The following ATP6V1G3 variants were observed in gnomAD, a reference collection of about 807,000 sequenced individuals.
ATP6V1G3 encodes the protein ATPase H+ transporting V1 subunit G3, also known as V-type proton ATPase subunit G 3.
In ATP6V1G3, 9 loss-of-function variants were observed where a neutral mutation model predicts 9.3. The observed-to-expected ratio is 0.97, with a 90% CI of 0.59 to 1.69. The LOEUF is 1.69. ATP6V1G3 is among the 40% of genes most tolerant of loss of function. The pLI, the probability that ATP6V1G3 is intolerant of heterozygous loss-of-function variation, is 0.00. For synonymous variants in ATP6V1G3, 43 were observed against 43.8 expected (o/e 0.98, Z 0.07); for missense variants, 133 against 139.0 (o/e 0.96, Z 0.22).
chr1:198,536,407 G>A (rs1660115236), intron 1 of ATP6V1G3, among the ~76,000 whole-genome samples: 1 of 152,116 alleles, frequency 6.6e-6, no homozygotes, highest in African/African-American at 2.4e-5. Flanking sequence ...CCCCAAACCT[G>A]GAGCTCCATG....
rs190912199 is a variant in ATP6V1G3 at position 198,528,652 on chromosome 1, A to G, written c.183+429T>C. Among the ~76,000 whole-genome samples the G allele has an allele frequency of 2.1e-4, 32 of 152,240 alleles. No individual in the cohort carries two copies. In the East Asian group the frequency reaches 5.6e-3, roughly 27 times the overall value. On this transcript the variant is annotated intron_variant, in intron 2 of 2. Coordinates refer to ENST00000367382, the MANE Select transcript of ATP6V1G3 (RefSeq NM_001376861.1). ...AGAAGGCTTTTCAGAAATTTGCAAC[A>G]ATATCTACTTTGGTCATTTGTAAAT...
rs761997831 is a variant in ATP6V1G3, at chr1:198,523,479, T to A, written c.269A>T (p.Lys90Met). The A allele has an allele frequency of 5.9e-5, 96 of 1,613,554 alleles. No homozygotes were observed. The highest frequency in any genetic ancestry group is 7.9e-5 in the Non-Finnish European group (93 of 1,179,800). ...CTGGTTCATCACACTTTCCATATAC[T>A]TATTGTAGTGTCCATTAAGTTCTTG... Reference protein sequence around the residue: ...KIQELNGHYNKYMESVMNQLL... With the variant: ...KIQELNGHYNMYMESVMNQLL... Residue 90 changes from lysine (K) to methionine (M), a missense_variant, in exon 3 of 3, where the codon AAG (lysine) becomes ATG (methionine). Lys to Met is a moderately conservative substitution (Grantham distance 95, BLOSUM62 -1). Transcript: ENST00000367382.
chr1:198,534,328 G>A (rs1660023956), intron 1 of ATP6V1G3, among the ~76,000 whole-genome samples: 1 of 152,118 alleles, frequency 6.6e-6, no homozygotes, highest in Non-Finnish European at 1.5e-5. Context: ...ATTGATGGAG[G>A]TATACATTAA....
At chr1:198,527,226 GAGA>G (rs1241698572) in intron 2 of ATP6V1G3, among the ~76,000 whole-genome samples, 2 of 152,146 alleles carry the variant, frequency 1.3e-5, no homozygotes, top group Non-Finnish European at 2.9e-5. Flanking sequence ...ATGCCAAGGA[GAGA>G]AGATCTGTGC....
At chr1:198,536,107 T>G (rs1428685280) in intron 1 of ATP6V1G3, among the ~76,000 whole-genome samples, 1 of 152,178 alleles carries the variant, frequency 6.6e-6, no homozygotes, top group Non-Finnish European at 1.5e-5. Flanking sequence ...AATTGAGTGT[T>G]TATTTCTAGG....
At chr1:198,539,132 T>G (rs370016642) in intron 1 of ATP6V1G3, among the ~76,000 whole-genome samples, 2 of 152,060 alleles carry the variant, frequency 1.3e-5, no homozygotes, top group East Asian at 1.9e-4. Flanking sequence ...CCACCTGGAG[T>G]CATTCCTTTT....
rs1304557759 is a variant in ATP6V1G3, at chr1:198,523,417, G to A, written c.331C>T (p.His111Tyr). The change falls in exon 3 of 3, where the codon CAT becomes TAT. Residue 111 changes from histidine (H) to tyrosine (Y), a missense_variant. Transcript: ENST00000367382. ...SMVCDMKPEIHVNYRATN is the reference protein window; with the variant it reads ...SMVCDMKPEIYVNYRATN ...TAGTTGGTGGCTCTGTAGTTCACATGGATTTCTGGTTTCATGTCACAGACC... is the reference window on the plus strand; with the variant it reads ...TAGTTGGTGGCTCTGTAGTTCACATAGATTTCTGGTTTCATGTCACAGACC... The A allele has an allele frequency of 6.2e-7, 1 of 1,613,028 alleles. No homozygotes were observed. Among genetic ancestry groups the A allele is most frequent in the Non-Finnish European group, 8.5e-7 (1 of 1,179,498 alleles).
chr1:198,524,980 G>T (rs978481831), intron 2 of ATP6V1G3, among the ~76,000 whole-genome samples: 1 of 152,074 alleles, frequency 6.6e-6, no homozygotes, highest in Non-Finnish European at 1.5e-5. Context: ...GAGGCGCTTG[G>T]GTTCAAGTTC....
chr1:198,536,652 G>A lies in ATP6V1G3; in HGVS notation c.82+3917C>T, dbSNP rs201448019. The A allele has an allele frequency of 7.6e-4, 1,190 of 1,559,822 alleles. 9 individuals are homozygous for A. The Middle Eastern group carries it at 1.0e-2, about 13-fold the overall frequency. Reference sequence around the variant, plus strand: ...ACCTGTAATCAGTGAATACAGGAAAGTATCTGAACATTTCTAGTCATCTTA... The same window carrying A: ...ACCTGTAATCAGTGAATACAGGAAAATATCTGAACATTTCTAGTCATCTTA... On this transcript the variant is annotated intron_variant, in intron 1 of 2. Coordinates refer to ENST00000367382, the MANE Select transcript of ATP6V1G3 (RefSeq NM_001376861.1).
intron 1 of ATP6V1G3, 74 bp from the exon 2 acceptor site, chr1:198,529,255 C>A (rs1659794702): frequency 3.0e-6 from 1 of 333,808 alleles, no homozygotes; most frequent in African/African-American, 2.3e-5. Context: ...TTATATATAT[C>A]TCAACAAGGA....
chr1:198,527,006 G>A (rs1245492939), intron 2 of ATP6V1G3, among the ~76,000 whole-genome samples: 1 of 152,146 alleles, frequency 6.6e-6, no homozygotes, highest in Non-Finnish European at 1.5e-5. Context: ...AGCCCACATT[G>A]GGATACCTGC....
chr1:198,538,725 G>A (rs1439087638), intron 1 of ATP6V1G3, among the ~76,000 whole-genome samples: 1 of 124,902 alleles, frequency 8.0e-6, no homozygotes, highest in Non-Finnish European at 1.6e-5. Context: ...ACAACATGGC[G>A]AAACCCCGTC....
intron 2 of ATP6V1G3, among the ~76,000 whole-genome samples, chr1:198,528,298 A>G (rs1659745230): frequency 6.6e-6 from 1 of 152,190 alleles, no homozygotes. Flanking sequence ...CCATTAAAAT[A>G]GAAGTTGTAA....
In ATP6V1G3 at chr1:198,529,952, T is replaced by C. The variant is rs187837593; in HGVS notation, c.83-771A>G. On this transcript the variant is annotated intron_variant, in intron 1 of 2. Coordinates refer to ENST00000367382, the MANE Select transcript of ATP6V1G3 (RefSeq NM_001376861.1). ...AAAGTTTTAGACGAATACAATGCTG[T>C]GGTAATCATTAGCTGAGCACATGAC... 1.2e-4 allele frequency among the ~76,000 whole-genome samples: 19 copies of C among 152,212 alleles called. No individual in the cohort carries two copies. The East Asian group carries it at 3.3e-3, about 26-fold the overall frequency.
At chr1:198,529,729 T>C (rs1659819835) in intron 1 of ATP6V1G3, among the ~76,000 whole-genome samples, 1 of 152,172 alleles carries the variant, frequency 6.6e-6, no homozygotes, top group South Asian at 2.1e-4. Flanking sequence ...TCCTTACCAT[T>C]TGTTGACTCT....
At chr1:198,537,249 A>T (rs1487522734) in intron 1 of ATP6V1G3, among the ~76,000 whole-genome samples, 1 of 152,182 alleles carries the variant, frequency 6.6e-6, no homozygotes, top group Non-Finnish European at 1.5e-5. Flanking sequence ...CATATACTGT[A>T]TCATGTAGCA....
chr1:198,526,073 ATAAT>A (rs1659640534), intron 2 of ATP6V1G3, among the ~76,000 whole-genome samples: 3 of 152,174 alleles, frequency 2.0e-5, no homozygotes, highest in South Asian at 4.1e-4. Context: ...CTCATCCTGC[ATAAT>A]TAAACAAAAT....
At chr1:198,532,754 G>C (rs1659955078) in intron 1 of ATP6V1G3, among the ~76,000 whole-genome samples, 1 of 152,162 alleles carries the variant, frequency 6.6e-6, no homozygotes, top group South Asian at 2.1e-4. Context: ...GGGTCCTCCA[G>C]GCAGAGGGAA....
chr1:198,531,598 G>A (rs1047910803), intron 1 of ATP6V1G3, among the ~76,000 whole-genome samples: 1 of 152,094 alleles, frequency 6.6e-6, no homozygotes, highest in Non-Finnish European at 1.5e-5. Flanking sequence ...ATTAGGACAG[G>A]CCAGGTGAAC....
Sources: gnomAD v4.1 joint callset for allele counts (sites outside exome capture counted in the v4.1 genomes callset) on GRCh38, gnomAD v4.1.1 for gene constraint, MANE v1.5 for transcripts, NCBI Gene and HGNC (gene_info 2026-07-23, HGNC 2026-07-21) for gene names.